SHROOM4: variants seen among roughly 807,000 people sequenced by gnomAD.
The protein encoded by SHROOM4 is shroom family member 4, also known as protein Shroom4.
SHROOM4 carries 17 observed loss-of-function variants against 80.3 expected under a neutral mutation model. The ratio of observed to expected loss-of-function variants is 0.21; its 90% CI spans 0.14 to 0.32. The LOEUF (loss-of-function observed/expected upper bound fraction) is 0.32. Ranked by LOEUF, SHROOM4 falls within the 10% of genes least tolerant of loss-of-function variation. The pLI, the probability that SHROOM4 is intolerant of heterozygous loss-of-function variation, is 1.00. For missense variants in SHROOM4, 993 were observed against 1,140.3 expected (o/e 0.87, Z 1.86); for synonymous variants, 400 against 437.5 (o/e 0.91, Z 1.07).
intron 1 of SHROOM4, among the ~76,000 whole-genome samples, chrX:50,765,813 T>TCTG (rs1429869834): frequency 1.8e-5 from 2 of 111,956 alleles, no homozygotes; most frequent in Non-Finnish European, 3.8e-5. Context: ...CCTTAAACTT[T>TCTG]CTGCAGGCCC....
rs781975691 is a variant in SHROOM4 at position 50,782,772 on chromosome X, T to C, written c.117+31130A>G. ...AAGTCAGTCACAGAAGGACAAATAC[T>C]ACATGATTCTACTTATATGGAATAT... On this transcript the variant is annotated intron_variant, in intron 1 of 8. Transcript: ENST00000376020. Among the ~76,000 whole-genome samples, 7 of 111,939 alleles carry C rather than the reference T, an allele frequency of 6.3e-5. No homozygotes were observed. In the South Asian group the frequency reaches 2.2e-3, roughly 36 times the overall value.
chrX:50,697,425 C>T (rs1311429800), intron 1 of SHROOM4, among the ~76,000 whole-genome samples: 1 of 111,526 alleles, frequency 9.0e-6, no homozygotes, highest in Non-Finnish European at 1.9e-5. Flanking sequence ...TATTGTTGAG[C>T]TTTAGGTTGG....
At chrX:50,793,776 T>G (rs1283713749) in intron 1 of SHROOM4, among the ~76,000 whole-genome samples, 2 of 109,849 alleles carry the variant, frequency 1.8e-5, no homozygotes, top group African/African-American at 6.6e-5. Context: ...GTTACTAACT[T>G]TGGCTTTTTT....
At chrX:50,811,369 T>G (rs1936326266) in intron 1 of SHROOM4, among the ~76,000 whole-genome samples, 1 of 109,377 alleles carries the variant, frequency 9.1e-6, no homozygotes, top group Admixed American at 9.9e-5. Flanking sequence ...GACCACCCAC[T>G]TGAATGTCAT....
intron 1 of SHROOM4, among the ~76,000 whole-genome samples, chrX:50,794,751 A>T (rs1240742442): frequency 9.3e-6 from 1 of 107,534 alleles, no homozygotes; most frequent in African/African-American, 3.4e-5. Context: ...CTAGCATAGT[A>T]ATACATGTTA....
In SHROOM4 at chrX:50,638,299, G is replaced by A; in HGVS notation, c.279C>T (p.Ala93=). Residue 93 remains alanine (A), a synonymous_variant, in exon 3 of 9, where the codon GCC becomes GCT. Coordinates refer to ENST00000376020, the MANE Select transcript of SHROOM4 (RefSeq NM_020717.5). The part of the protein sequence containing the change: ...ILKLIVRRRN[A]PVSRPHSWHV... The stretch of plus-strand genomic sequence containing the variant: ...GCCATGAGTGCGGCCTACTGACAGG[G>A]GCGTTCCTCCTACAGCAAGAAAGGG... 8.3e-7 allele frequency: 1 copy of A among 1,211,813 alleles called. No individual in the cohort carries two copies. The highest frequency in any genetic ancestry group is 1.1e-6 in the Non-Finnish European group (1 of 895,409).
chrX:50,610,352 T>TCTCACACACA (rs782591424), intron 5 of SHROOM4, among the ~76,000 whole-genome samples: 1,331 of 91,679 alleles, frequency 0.015, 11 homozygotes, highest in Non-Finnish European at 0.018. Context: ...TCTCTCTCTC[T>TCTCACACACA]CACACACACA....
At chrX:50,784,880 G>A (rs1557270920) in intron 1 of SHROOM4, among the ~76,000 whole-genome samples, 1 of 111,492 alleles carries the variant, frequency 9.0e-6, no homozygotes, top group African/African-American at 3.3e-5. Context: ...TCCAACAAAG[G>A]ACTTATATCT....
At chrX:50,762,672 T>C (rs1935185002) in intron 1 of SHROOM4, among the ~76,000 whole-genome samples, 1 of 112,085 alleles carries the variant, frequency 8.9e-6, no homozygotes, top group Non-Finnish European at 1.9e-5. Flanking sequence ...TACAGGATTC[T>C]TGGTTGATAT....
chrX:50,654,685 G>C (rs1412067652), intron 2 of SHROOM4, among the ~76,000 whole-genome samples: 4 of 110,130 alleles, frequency 3.6e-5, no homozygotes, highest in African/African-American at 1.3e-4. Flanking sequence ...TTGATCAACA[G>C]CTCATTTCCT....
At chrX:50,612,837 TAA>T (rs58814395) in intron 5 of SHROOM4, among the ~76,000 whole-genome samples, 2 of 106,273 alleles carry the variant, frequency 1.9e-5, no homozygotes, top group African/African-American at 6.8e-5. Flanking sequence ...CACTTCCAGA[TAA>T]AAAAAAAACC....
At chrX:50,804,140 C>T (rs1241564626) in intron 1 of SHROOM4, among the ~76,000 whole-genome samples, 1 of 111,895 alleles carries the variant, frequency 8.9e-6, no homozygotes, top group African/African-American at 3.2e-5. Context: ...TTTCTTACAT[C>T]ACATATACTG....
At chrX:50,746,418 T>C (rs1557267608) in intron 1 of SHROOM4, among the ~76,000 whole-genome samples, 2 of 111,798 alleles carry the variant, frequency 1.8e-5, no homozygotes, top group African/African-American at 6.5e-5. Context: ...GAGATTTTCT[T>C]TTTGCCTCTA....
chrX:50,747,863 ATACAGTGCTTAATGCTT>A (rs1212109756), intron 1 of SHROOM4, among the ~76,000 whole-genome samples: 1 of 112,152 alleles, frequency 8.9e-6, no homozygotes, highest in Non-Finnish European at 1.9e-5. Flanking sequence ...AAGTGCTCAG[ATACAGTGCTTAATGCTT>A]TACAGACAGT....
intron 6 of SHROOM4, among the ~76,000 whole-genome samples, chrX:50,603,779 C>G (rs1929547470): frequency 8.9e-6 from 1 of 112,036 alleles, no homozygotes; most frequent in Non-Finnish European, 1.9e-5. Flanking sequence ...TGGGTTTGGC[C>G]TCTTCTGCCA....
intron 1 of SHROOM4, among the ~76,000 whole-genome samples, chrX:50,730,283 C>T (rs782576096): frequency 5.4e-4 from 59 of 109,597 alleles, no homozygotes; most frequent in African/African-American, 8.0e-4. Context: ...CAAAGTTAGC[C>T]GGGAGTGATG....
At chrX:50,707,757 T>C (rs1303891083) in intron 1 of SHROOM4, among the ~76,000 whole-genome samples, 8 of 110,962 alleles carry the variant, frequency 7.2e-5, no homozygotes, top group African/African-American at 2.6e-4. Flanking sequence ...TATGGCTGCA[T>C]ATATTAAGTG....
intron 1 of SHROOM4, among the ~76,000 whole-genome samples, chrX:50,797,074 A>G (rs1010876919): frequency 1.0e-5 from 1 of 98,518 alleles, no homozygotes. Context: ...GGAAAGAAGA[A>G]ACAGAGAAAA....
chrX:50,814,025 C>T lies in SHROOM4; in HGVS notation c.-7G>A. On this transcript the variant is annotated 5_prime_UTR_variant, in exon 1 of 9. Coordinates refer to ENST00000376020, the MANE Select transcript of SHROOM4 (RefSeq NM_020717.5). ...ACCCAGGCCGGTTCTCCATCCTCGG[C>T]TGGGCTCAGGCGCCGCCGGGCTCCT... The T allele has an allele frequency of 1.7e-6, 2 of 1,184,883 alleles. No individual in the cohort carries two copies. The highest frequency in any genetic ancestry group is 2.3e-6 in the Non-Finnish European group (2 of 873,065).
Sources: gnomAD v4.1 joint callset for allele counts (sites outside exome capture counted in the v4.1 genomes callset) on GRCh38, gnomAD v4.1.1 for gene constraint, MANE v1.5 for transcripts, NCBI Gene and HGNC (gene_info 2026-07-23, HGNC 2026-07-21) for gene names.